Variants in SH3PXD2A observed in about 807,000 individuals in gnomAD.
SH3PXD2A encodes SH3 and PX domains 2A, also known as SH3 and PX domain-containing protein 2A.
A neutral mutation model predicts 115.2 loss-of-function variants in SH3PXD2A; 32 were observed. The ratio of observed to expected loss-of-function variants is 0.28; its 90% CI spans 0.21 to 0.37. SH3PXD2A has a LOEUF of 0.37. SH3PXD2A is among the 10% of genes least tolerant of loss of function. The pLI, the probability that SH3PXD2A is intolerant of heterozygous loss-of-function variation, is 1.00. For missense variants in SH3PXD2A, 1,328 were observed against 1,498.7 expected, an observed-to-expected ratio of 0.89 and a Z score of 1.88; for synonymous variants, 610 against 629.1, an observed-to-expected ratio of 0.97 and a Z score of 0.45.
rs1271125442 is a variant in SH3PXD2A, at chr10:103,596,661, A to ACCCTCTCT, written c.*5154_*5155insAGAGAGGG. On this transcript the variant is annotated 3_prime_UTR_variant, in exon 15 of 15. Transcript: ENST00000369774. ...CACACACACACACACACACACACAC[A>ACCCTCTCT]CACTCTCTCTCTCTCTCTCTCTCTC... 1 of 36,978 alleles carries ACCCTCTCT rather than the reference A, an allele frequency of 2.7e-5. No individual in the cohort carries two copies. Among genetic ancestry groups the ACCCTCTCT allele is most frequent in the African/African-American group, 8.7e-5 (1 of 11,472 alleles). 2.3% of individuals were successfully genotyped at this position (36,978 alleles called of 1,614,324 possible). A position where few individuals can be genotyped will look rare whatever the true frequency, so the allele number is the denominator to read the frequency against.
At chr10:103,822,965 A>G (rs186129528) in intron 1 of SH3PXD2A, among the ~76,000 whole-genome samples, 1 of 152,350 alleles carries the variant, frequency 6.6e-6, no homozygotes, top group Admixed American at 6.5e-5. Flanking sequence ...TGCTGAAGTT[A>G]TGAGGAAATA....
intron 8 of SH3PXD2A, among the ~76,000 whole-genome samples, chr10:103,636,669 GAGTC>G (rs1233285487): frequency 6.6e-6 from 1 of 152,154 alleles, no homozygotes; most frequent in Non-Finnish European, 1.5e-5. Flanking sequence ...GTTAGGGCCA[GAGTC>G]AGGCCAGCTG....
intron 3 of SH3PXD2A, among the ~76,000 whole-genome samples, chr10:103,760,597 A>G (rs1423678630): frequency 6.6e-6 from 1 of 150,890 alleles, no homozygotes; most frequent in Non-Finnish European, 1.5e-5. Context: ...TATTTAAAAT[A>G]TATACATGTA....
rs965942157 is a variant in SH3PXD2A at position 103,736,657 on chromosome 10, C to T, written c.230-849G>A. 5 of 742,578 alleles carry T rather than the reference C, an allele frequency of 6.7e-6. No homozygotes were observed. The African/African-American group carries it at 7.2e-5, about 11-fold the overall frequency. The allele number at this position is 742,578 out of a possible 1,614,324, so 46.0% of individuals were successfully genotyped here. A position where few individuals can be genotyped will look rare whatever the true frequency, so the allele number is the denominator to read the frequency against. Reference sequence around the variant, plus strand: ...GATTGGCTGAGCTGGGAGTAATGTCCCTCTTTCCAGAACATCCACAACTCG... The same window carrying T: ...GATTGGCTGAGCTGGGAGTAATGTCTCTCTTTCCAGAACATCCACAACTCG... On this transcript the variant is annotated intron_variant, in intron 3 of 14. Transcript: ENST00000369774.
chr10:103,751,009 A>C (rs1051502400), intron 3 of SH3PXD2A, among the ~76,000 whole-genome samples: 7 of 152,212 alleles, frequency 4.6e-5, no homozygotes, highest in African/African-American at 1.7e-4. Context: ...GACTTTTTCT[A>C]CCACTGAGCT....
chr10:103,783,185 TG>T (rs1285781049), intron 2 of SH3PXD2A, among the ~76,000 whole-genome samples: 2 of 152,240 alleles, frequency 1.3e-5, no homozygotes, highest in Admixed American at 6.5e-5. Context: ...ACCCAGGGCC[TG>T]GGGGCAGGCA....
At chr10:103,730,140 C>T (rs1323619160) in intron 4 of SH3PXD2A, among the ~76,000 whole-genome samples, 1 of 152,070 alleles carries the variant, frequency 6.6e-6, no homozygotes, top group East Asian at 1.9e-4. Context: ...AAGAGCAAAG[C>T]TGTGCATTTG....
At position 103,595,152 on chromosome 10, in the gene SH3PXD2A, T is replaced by A. The variant is rs1257784931; in HGVS notation, c.*6664A>T. On this transcript the variant is annotated 3_prime_UTR_variant, in exon 15 of 15. Coordinates refer to ENST00000369774, the MANE Select transcript of SH3PXD2A (RefSeq NM_001394015.1). ...TGGTGACTTCTCTCTGCTAAGTAAA[T>A]CAATGACCATTCATTGAGAACTGAT... 2 of 152,156 alleles carry A rather than the reference T, an allele frequency of 1.3e-5. No individual in the cohort carries two copies. The highest frequency in any genetic ancestry group is 4.8e-5 in the African/African-American group (2 of 41,430). The allele number at this position is 152,156 out of a possible 1,614,324, so 9.4% of individuals were successfully genotyped here.
intron 3 of SH3PXD2A, among the ~76,000 whole-genome samples, chr10:103,761,944 T>A (rs1047365586): frequency 1.3e-5 from 2 of 148,996 alleles, no homozygotes; most frequent in Admixed American, 1.3e-4. Context: ...CCACCTGCAG[T>A]GAGACTGGAG....
chr10:103,824,805 C>A (rs1289733352), intron 1 of SH3PXD2A, among the ~76,000 whole-genome samples: 1 of 152,206 alleles, frequency 6.6e-6, no homozygotes, highest in African/African-American at 2.4e-5. Context: ...CTTGCCATGT[C>A]ATCTCTCTAT....
chr10:103,713,123 C>T (rs149604832), intron 5 of SH3PXD2A, among the ~76,000 whole-genome samples: 5 of 152,274 alleles, frequency 3.3e-5, no homozygotes, highest in African/African-American at 1.2e-4. Context: ...TCTCATGAAC[C>T]GAGGGCTTCA....
intron 1 of SH3PXD2A, among the ~76,000 whole-genome samples, chr10:103,821,212 G>A (rs1334266271): frequency 2.7e-5 from 4 of 145,956 alleles, no homozygotes; most frequent in African/African-American, 1.0e-4. Context: ...GTGCGGTCTC[G>A]GCTTACTGCA....
chr10:103,650,997 C>T (rs867890279), intron 8 of SH3PXD2A, among the ~76,000 whole-genome samples: 2 of 152,212 alleles, frequency 1.3e-5, no homozygotes, highest in Admixed American at 6.5e-5. Context: ...AAACCACATC[C>T]TATGGAAGCA....
chr10:103,854,434 T>C (rs1842921909), intron 1 of SH3PXD2A, among the ~76,000 whole-genome samples: 1 of 152,278 alleles, frequency 6.6e-6, no homozygotes, highest in African/African-American at 2.4e-5. Flanking sequence ...ACATAGGCTC[T>C]GGAGCTGCCC....
intron 8 of SH3PXD2A, among the ~76,000 whole-genome samples, chr10:103,659,848 AG>A (rs2037265157): frequency 6.6e-6 from 1 of 152,100 alleles, no homozygotes; most frequent in Admixed American, 6.5e-5. Flanking sequence ...CTCCCCCAGG[AG>A]GCCCACTGGG....
chr10:103,608,300 G>A (rs1014795451), intron 13 of SH3PXD2A, among the ~76,000 whole-genome samples: 11 of 150,512 alleles, frequency 7.3e-5, no homozygotes, highest in African/African-American at 2.2e-4. Flanking sequence ...CCCAGGGAAC[G>A]AGGCCCTGTC....
At chr10:103,819,070 T>C (rs1318515775) in intron 1 of SH3PXD2A, among the ~76,000 whole-genome samples, 1 of 152,248 alleles carries the variant, frequency 6.6e-6, no homozygotes, top group African/African-American at 2.4e-5. Flanking sequence ...AGTAAAGCCA[T>C]GTTACTTGTC....
chr10:103,612,992 A>G lies in SH3PXD2A; in HGVS notation c.1119T>C (p.Ile373=), dbSNP rs2036451536. 2 of 1,614,088 alleles carry G rather than the reference A, an allele frequency of 1.2e-6. No homozygotes were observed. The highest frequency in any genetic ancestry group is 2.2e-5 in the South Asian group (2 of 91,090). ...PAEGEGHEAP[I]AKKEISLPIL... is the part of the protein sequence containing the mutation. ...TGGGCAGGCTGATCTCCTTCTTGGC[A>G]ATGGGGGCCTCATGGCCCTCGCCTT... The change falls in exon 12 of 15, where the codon ATT becomes ATC. Residue 373 remains isoleucine, a synonymous_variant. Coordinates refer to ENST00000369774, the MANE Select transcript of SH3PXD2A (RefSeq NM_001394015.1).
chr10:103,627,115 T>A lies in SH3PXD2A; in HGVS notation c.692A>T (p.Asp231Val). The A allele has an allele frequency of 6.2e-7, 1 of 1,611,260 alleles. No homozygotes were observed. Among genetic ancestry groups the A allele is most frequent in the Non-Finnish European group, 8.5e-7 (1 of 1,177,402 alleles). Residue 231 changes from aspartate to valine, a missense_variant, in exon 9 of 15, where the codon GAC becomes GTC. By Grantham distance (152) the Asp-to-Val change is radical. Coordinates refer to ENST00000369774, the MANE Select transcript of SH3PXD2A (RefSeq NM_001394015.1). This position sits in a 1 kb window ranked among gnomAD's most constrained non-coding sequence, Gnocchi z 4.4. ...EAQNGTRDDSDINTSKTGEVS... is the reference protein window; with the variant it reads ...EAQNGTRDDSVINTSKTGEVS... Reference sequence around the variant, plus strand: ...TTCTCCAGTCTTAGAGGTGTTGATGTCGGAGTCATCCCGAGTACCATTCTG... The same window carrying A: ...TTCTCCAGTCTTAGAGGTGTTGATGACGGAGTCATCCCGAGTACCATTCTG...
Sources: allele counts gnomAD v4.1 joint callset (sites outside exome capture counted in the v4.1 genomes callset), GRCh38; gene constraint gnomAD v4.1.1; non-coding constraint Gnocchi (gnomAD v3.1); transcripts MANE v1.5; gene names NCBI Gene and HGNC (gene_info 2026-07-23, HGNC 2026-07-21).